Variants in ANO6 observed in about 807,000 individuals in gnomAD.
The protein encoded by ANO6 is anoctamin-6.
ANO6 carries 106 observed loss-of-function variants against 117.5 expected under a neutral mutation model. The ratio of observed to expected loss-of-function variants is 0.90; its 90% confidence interval spans 0.77 to 1.06. ANO6 has a LOEUF of 1.06. Among genes scored for constraint, ANO6 ranks in the 50% least tolerant of loss-of-function variants. The pLI, the probability that ANO6 is intolerant of heterozygous loss-of-function variation, is 0.00. For missense variants in ANO6, 955 were observed against 1,121.1 expected (o/e 0.85, Z 2.12); for synonymous variants, 367 against 385.1 (o/e 0.95, Z 0.55).
intron 2 of ANO6, among the ~76,000 whole-genome samples, chr12:45,329,841 G>A (rs761090389): frequency 8.5e-5 from 13 of 152,060 alleles, no homozygotes; most frequent in Non-Finnish European, 7.4e-5. Context: ...TTGAAAGTAA[G>A]AGAAATTGAA....
At chr12:45,390,694 C>T (rs1409461374) in intron 12 of ANO6, among the ~76,000 whole-genome samples, 196 bp downstream of exon 12, 1 of 152,132 alleles carries the variant, frequency 6.6e-6, no homozygotes, top group African/African-American at 2.4e-5. Flanking sequence ...TTCGAGATAC[C>T]TTATCTGTTC....
chr12:45,401,157 A>T (rs1474415105), intron 12 of ANO6, among the ~76,000 whole-genome samples: 1 of 152,154 alleles, frequency 6.6e-6, no homozygotes, highest in African/African-American at 2.4e-5. Flanking sequence ...ATCAGCAGAG[A>T]CCTGCTGCCA....
chr12:45,324,126 G>A (rs980543738), intron 2 of ANO6, among the ~76,000 whole-genome samples: 15 of 151,776 alleles, frequency 9.9e-5, no homozygotes, highest in East Asian at 3.9e-4. Flanking sequence ...TAGTAGAGAC[G>A]GAGTTTCTCC....
intron 3 of ANO6, among the ~76,000 whole-genome samples, chr12:45,338,326 T>C (rs1940884317): frequency 6.6e-6 from 1 of 151,842 alleles, no homozygotes; most frequent in African/African-American, 2.4e-5. Context: ...TTCTTCAAAT[T>C]GAAGAAATAA....
intron 2 of ANO6, among the ~76,000 whole-genome samples, chr12:45,311,746 C>T (rs1280564499): frequency 1.3e-5 from 2 of 151,942 alleles, no homozygotes; most frequent in Non-Finnish European, 2.9e-5. Flanking sequence ...AACAATCTAG[C>T]ATGGAGATAA....
At chr12:45,290,715 A>G (rs1209144401) in intron 1 of ANO6, among the ~76,000 whole-genome samples, 1 of 152,250 alleles carries the variant, frequency 6.6e-6, no homozygotes, top group Non-Finnish European at 1.5e-5. Flanking sequence ...CTCTTCAGCT[A>G]TCTATTTTTA....
intron 16 of ANO6, among the ~76,000 whole-genome samples, chr12:45,412,607 T>C (rs897150762): frequency 3.3e-5 from 5 of 152,234 alleles, no homozygotes; most frequent in Non-Finnish European, 7.3e-5. Flanking sequence ...GCCCATCACC[T>C]GCCATGAAGT....
At chr12:45,331,975 A>G (rs916125617) in intron 3 of ANO6, among the ~76,000 whole-genome samples, 1 of 151,986 alleles carries the variant, frequency 6.6e-6, no homozygotes, top group Non-Finnish European at 1.5e-5. Context: ...GAATATGGAG[A>G]CTGCTCTTGA....
intron 9 of ANO6, among the ~76,000 whole-genome samples, chr12:45,375,647 G>A (rs1271068730): frequency 1.3e-5 from 2 of 152,026 alleles, no homozygotes; most frequent in Non-Finnish European, 2.9e-5. Context: ...AAACTGGCTA[G>A]CCATATGTAG....
chr12:45,414,676 A>G (rs1348375399), intron 16 of ANO6, among the ~76,000 whole-genome samples: 1 of 152,148 alleles, frequency 6.6e-6, no homozygotes, highest in African/African-American at 2.4e-5. Flanking sequence ...TTTTTTCACA[A>G]TGTTCCCAAT....
intron 1 of ANO6, among the ~76,000 whole-genome samples, chr12:45,229,698 T>G (rs979687778): frequency 1.3e-4 from 19 of 151,394 alleles, no homozygotes; most frequent in African/African-American, 4.6e-4. Flanking sequence ...TTATTTTAGT[T>G]TTTTTAATTC....
chr12:45,220,024 G>A lies in ANO6; in HGVS notation c.70+3633G>A, dbSNP rs192286534. Among the ~76,000 whole-genome samples the A allele has an allele frequency of 2.0e-5, 3 of 152,196 alleles. No homozygotes were observed. The East Asian group carries it at 5.8e-4, about 29-fold the overall frequency. Reference sequence around the variant, plus strand: ...GGCTGCTTTTCGCCCCCTCATCAGCGGATTAAATTCAGCATCTCTTCTTGT... The same window carrying A: ...GGCTGCTTTTCGCCCCCTCATCAGCAGATTAAATTCAGCATCTCTTCTTGT... On this transcript the variant is annotated intron_variant, in intron 1 of 19. Transcript: ENST00000320560.
chr12:45,291,147 G>T (rs752962895), intron 1 of ANO6, among the ~76,000 whole-genome samples: 1 of 151,996 alleles, frequency 6.6e-6, no homozygotes, highest in African/African-American at 2.4e-5. Context: ...ACTCAAAATG[G>T]ATTAACCCAC....
intron 1 of ANO6, among the ~76,000 whole-genome samples, chr12:45,285,548 G>A (rs930935794): frequency 1.3e-5 from 2 of 152,098 alleles, no homozygotes; most frequent in Non-Finnish European, 2.9e-5. Flanking sequence ...CACCAACATG[G>A]TGAAACCTTG....
At position 45,238,370 on chromosome 12, in the gene ANO6, C is replaced by T. The variant is rs183006804; in HGVS notation, c.70+21979C>T. The stretch of plus-strand genomic sequence containing the variant: ...TTCACCATATTGGCCAGGCTGGTCT[C>T]GAACTCCCAACCTCAGGTGATCTGC... On this transcript the variant is annotated intron_variant, in intron 1 of 19. Transcript: ENST00000320560. Among the ~76,000 whole-genome samples the T allele has an allele frequency of 6.1e-3, 927 of 152,044 alleles. 5 individuals are homozygous for T. Among genetic ancestry groups the T allele is most frequent in the African/African-American group, 0.02 (836 of 41,468 alleles).
intron 17 of ANO6, among the ~76,000 whole-genome samples, chr12:45,417,170 TAAG>T (rs1478728601): frequency 1.3e-5 from 2 of 152,216 alleles, no homozygotes; most frequent in Non-Finnish European, 2.9e-5. Context: ...ATGGTAATGA[TAAG>T]AAGTACTAAC....
intron 10 of ANO6, among the ~76,000 whole-genome samples, chr12:45,387,751 C>G (rs752285897): frequency 6.6e-6 from 1 of 152,044 alleles, no homozygotes; most frequent in South Asian, 2.1e-4. Flanking sequence ...AATCTCATGT[C>G]GAATTATAAT....
At chr12:45,357,218 G>T (rs1352633638) in intron 7 of ANO6, 72 bp from the exon 8 acceptor site, 4 of 1,547,066 alleles carry the variant, frequency 2.6e-6, no homozygotes, top group Non-Finnish European at 3.6e-6. Flanking sequence ...TTTAAAATCA[G>T]AAATTAATAT....
intron 1 of ANO6, among the ~76,000 whole-genome samples, chr12:45,255,818 G>GTTTTTTTGTT (rs1555161289): frequency 4.9e-5 from 4 of 81,712 alleles, no homozygotes; most frequent in African/African-American, 1.8e-4. Flanking sequence ...CTCCCTGGGT[G>GTTTTTTTGTT]TTTTTTTTTT....
Sources: gnomAD v4.1 joint callset for allele counts (sites outside exome capture counted in the v4.1 genomes callset) on GRCh38, gnomAD v4.1.1 for gene constraint, MANE v1.5 for transcripts, NCBI Gene and HGNC (gene_info 2026-07-23, HGNC 2026-07-21) for gene names.